MAGI1: variants seen among roughly 807,000 people sequenced by gnomAD.
MAGI1 encodes membrane associated guanylate kinase, WW and PDZ domain containing 1.
Under a neutral mutation model 139.9 loss-of-function variants are expected in MAGI1, and 58 were observed. That is an observed-to-expected ratio of 0.41 (90% CI 0.34 to 0.52). The LOEUF (loss-of-function observed/expected upper bound fraction) is 0.52. MAGI1 is among the 20% of genes least tolerant of loss of function. The pLI, the probability that MAGI1 is intolerant of heterozygous loss-of-function variation, is 0.12. For missense variants in MAGI1, 1,874 were observed against 1,901.6 expected (o/e 0.99, Z 0.27); for synonymous variants, 812 against 737.9 (o/e 1.10, Z -1.63).
At chr3:65,505,084 C>T (rs563281195) in intron 2 of MAGI1, among the ~76,000 whole-genome samples, 30 of 152,198 alleles carry the variant, frequency 2.0e-4, no homozygotes, top group Admixed American at 2.6e-4. Flanking sequence ...AAACCAGTAA[C>T]GCTATACCCT....
At chr3:65,855,178 T>G (rs1473613958) in intron 1 of MAGI1, among the ~76,000 whole-genome samples, 2 of 151,820 alleles carry the variant, frequency 1.3e-5, no homozygotes, top group Non-Finnish European at 2.9e-5. Context: ...ATGTGCTCAT[T>G]AAAAGATGCC....
intron 2 of MAGI1, among the ~76,000 whole-genome samples, chr3:65,620,257 C>T (rs1410822762): frequency 6.6e-6 from 1 of 152,184 alleles, no homozygotes; most frequent in Non-Finnish European, 1.5e-5. Flanking sequence ...ATTCAACCTG[C>T]TGTACTATAA....
chr3:65,981,555 T>C (rs2065582242), intron 1 of MAGI1, among the ~76,000 whole-genome samples: 1 of 152,200 alleles, frequency 6.6e-6, no homozygotes, highest in Admixed American at 6.5e-5. Context: ...GTATTAGATA[T>C]ATGTGGTTAG....
intron 1 of MAGI1, among the ~76,000 whole-genome samples, chr3:65,747,191 T>C (rs1032251242): frequency 6.6e-6 from 1 of 152,194 alleles, no homozygotes; most frequent in Admixed American, 6.5e-5. Context: ...TGTATGAAAG[T>C]GGTTCTCAAA....
intron 1 of MAGI1, among the ~76,000 whole-genome samples, chr3:66,019,713 G>A (rs1313162358): frequency 1.3e-5 from 2 of 152,122 alleles, no homozygotes; most frequent in South Asian, 2.1e-4. Flanking sequence ...AACTCATCGG[G>A]TCAAGTTAAA....
At chr3:65,542,640 C>T (rs1323044120) in intron 2 of MAGI1, among the ~76,000 whole-genome samples, 2 of 152,082 alleles carry the variant, frequency 1.3e-5, no homozygotes. Flanking sequence ...CTGACAAAAA[C>T]ACACAATGGG....
intron 2 of MAGI1, among the ~76,000 whole-genome samples, chr3:65,494,959 G>A (rs1211327390): frequency 3.3e-5 from 5 of 152,208 alleles, no homozygotes; most frequent in African/African-American, 1.2e-4. Flanking sequence ...ATAGATGTTT[G>A]CTTCTCATAA....
chr3:65,813,783 A>G (rs780018251), intron 1 of MAGI1, among the ~76,000 whole-genome samples: 7 of 152,234 alleles, frequency 4.6e-5, no homozygotes, highest in Non-Finnish European at 1.0e-4. Context: ...TAATGGTGCC[A>G]ATCTAAATGT....
At chr3:65,975,550 G>A (rs932824352) in intron 1 of MAGI1, among the ~76,000 whole-genome samples, 2 of 151,972 alleles carry the variant, frequency 1.3e-5, no homozygotes, top group African/African-American at 4.8e-5. Context: ...GAGCCTAGGA[G>A]TTCAAGACCA....
At chr3:65,391,877 G>A (rs970241046) in intron 13 of MAGI1, among the ~76,000 whole-genome samples, 2 of 152,000 alleles carry the variant, frequency 1.3e-5, no homozygotes, top group African/African-American at 2.4e-5. Flanking sequence ...TAAAAAAAAG[G>A]AGGTCAGATC....
At chr3:66,008,640 C>G (rs2067158313) in intron 1 of MAGI1, 1 of 152,160 alleles carries the variant, frequency 6.6e-6, no homozygotes. Context: ...GCCAGGATCC[C>G]TGGAGAAAAT....
At chr3:65,496,522 A>T (rs766431600) in intron 2 of MAGI1, among the ~76,000 whole-genome samples, 1 of 152,216 alleles carries the variant, frequency 6.6e-6, no homozygotes, top group African/African-American at 2.4e-5. Flanking sequence ...TGAGATTTCT[A>T]TTACAAACAT....
intron 1 of MAGI1, among the ~76,000 whole-genome samples, chr3:65,826,315 G>GC (rs1412841937): frequency 1.1e-4 from 16 of 152,072 alleles, no homozygotes; most frequent in African/African-American, 3.9e-4. Flanking sequence ...TATTATACTG[G>GC]CATAAGCATA....
Position 65,649,306 on chromosome 3 carries a change from C to T in MAGI1, c.314-27218G>A, listed in dbSNP as rs531121576. ...CTGAGGCAGGAGGGTTGCCTGAGCCCGGGATTACAAGGTTACAGTGAGCTG... is the reference window on the plus strand; with the variant it reads ...CTGAGGCAGGAGGGTTGCCTGAGCCTGGGATTACAAGGTTACAGTGAGCTG... On this transcript the variant is annotated intron_variant, in intron 1 of 22. Coordinates refer to ENST00000402939, the MANE Select transcript of MAGI1 (RefSeq NM_001033057.2). Among the ~76,000 whole-genome samples, 271 of 152,116 alleles carry T rather than the reference C, an allele frequency of 1.8e-3. 2 individuals are homozygous for T. The highest frequency in any genetic ancestry group is 3.3e-3 in the Admixed American group (51 of 15,256).
At chr3:65,605,118 T>C (rs2082674090) in intron 2 of MAGI1, among the ~76,000 whole-genome samples, 1 of 152,216 alleles carries the variant, frequency 6.6e-6, no homozygotes, top group Non-Finnish European at 1.5e-5. Context: ...AAACATTTAT[T>C]GTACAAGGGA....
chr3:65,584,739 T>G (rs1048553810), intron 2 of MAGI1, among the ~76,000 whole-genome samples: 4 of 152,330 alleles, frequency 2.6e-5, no homozygotes, highest in Non-Finnish European at 5.9e-5. Context: ...TCAACAAACA[T>G]TTCTAGATTC....
At chr3:65,743,206 T>TTCTAATGTTAAATGTTAAATGTCTAATG (rs2035422786) in intron 1 of MAGI1, among the ~76,000 whole-genome samples, 5 of 152,206 alleles carry the variant, frequency 3.3e-5, no homozygotes, top group Admixed American at 2.6e-4. Context: ...AATATTCATA[T>TTCTAATGTTAAATGTTAAATGTCTAATG]TCTAATGTTA....
intron 1 of MAGI1, among the ~76,000 whole-genome samples, chr3:65,813,960 G>A (rs2041441977): frequency 6.6e-6 from 1 of 152,174 alleles, no homozygotes; most frequent in Non-Finnish European, 1.5e-5. Flanking sequence ...ATTCATCCCA[G>A]ACTTAGCCAT....
At chr3:65,525,479 C>T (rs571830882) in intron 2 of MAGI1, among the ~76,000 whole-genome samples, 1 of 152,290 alleles carries the variant, frequency 6.6e-6, no homozygotes, top group South Asian at 2.1e-4. Flanking sequence ...AGATTTCATC[C>T]TCACTAAGGA....
Sources: gnomAD v4.1 joint callset for allele counts (sites outside exome capture counted in the v4.1 genomes callset) on GRCh38, gnomAD v4.1.1 for gene constraint, MANE v1.5 for transcripts, NCBI Gene and HGNC (gene_info 2026-07-23, HGNC 2026-07-21) for gene names.